The following ADD3 variants were observed in gnomAD, a reference collection of about 807,000 sequenced individuals.
The protein encoded by ADD3 is adducin 3, also known as gamma-adducin.
A neutral mutation model predicts 80.2 loss-of-function variants in ADD3; 25 were observed. The observed-to-expected ratio is 0.31, with a 90% CI of 0.23 to 0.44. The LOEUF is 0.44. ADD3 is among the 20% of genes least tolerant of loss of function. The pLI, the probability that ADD3 is intolerant of heterozygous loss-of-function variation, is 1.00. For synonymous variants in ADD3, 284 were observed against 289.6 expected, an observed-to-expected ratio of 0.98 and a Z score of 0.20; for missense variants, 829 against 847.5, an observed-to-expected ratio of 0.98 and a Z score of 0.27.
intron 1 of ADD3, among the ~76,000 whole-genome samples, chr10:110,077,335 G>A (rs1037217886): frequency 6.7e-6 from 1 of 150,042 alleles, no homozygotes; most frequent in Non-Finnish European, 1.5e-5. Flanking sequence ...TTACTGAATT[G>A]TTATTTTTAA....
At chr10:110,085,006 A>C (rs61881634) in intron 1 of ADD3, among the ~76,000 whole-genome samples, 2,253 of 151,980 alleles carry the variant, frequency 0.015, 18 homozygotes, top group South Asian at 0.03. Flanking sequence ...TGGACTGGAG[A>C]CTTGGGTTGT....
chr10:110,110,742 A>G (rs962644894), intron 2 of ADD3, among the ~76,000 whole-genome samples: 1 of 151,944 alleles, frequency 6.6e-6, no homozygotes, highest in East Asian at 1.9e-4. Flanking sequence ...TCACACCTGT[A>G]ATCCCACCAC....
chr10:110,082,470 G>C (rs1844898983), intron 1 of ADD3, among the ~76,000 whole-genome samples: 1 of 152,112 alleles, frequency 6.6e-6, no homozygotes, highest in Admixed American at 6.6e-5. Context: ...AGTTTTGGAA[G>C]CCATGAATTC....
At chr10:110,107,383 A>G (rs1028898863) in intron 2 of ADD3, among the ~76,000 whole-genome samples, 2 of 152,158 alleles carry the variant, frequency 1.3e-5, no homozygotes, top group Admixed American at 6.5e-5. Context: ...CTTCCATTGG[A>G]TGAAGTAGAT....
intron 1 of ADD3, among the ~76,000 whole-genome samples, chr10:110,025,126 C>T (rs1854130864): frequency 6.6e-6 from 1 of 151,796 alleles, no homozygotes; most frequent in African/African-American, 2.4e-5. Context: ...AAACTCCTGG[C>T]CTCAAGTGAT....
chr10:109,998,179 T>G (rs1297048463), intron 1 of ADD3, among the ~76,000 whole-genome samples: 1 of 152,212 alleles, frequency 6.6e-6, no homozygotes, highest in Non-Finnish European at 1.5e-5. Context: ...GAGGGTAATC[T>G]CAAACTTAGC....
chr10:110,125,916 C>A lies in ADD3; in HGVS notation c.1492C>A (p.Pro498Thr). 1 of 1,606,410 alleles carries A rather than the reference C, an allele frequency of 6.2e-7. No homozygotes were observed. Among genetic ancestry groups the A allele is most frequent in the Non-Finnish European group, 8.5e-7 (1 of 1,174,992 alleles). ...TCAGTTTGTTCCTTTAAACACAAAC[C>A]CGAATGAGGTACTAGAAAAGAGAAA... is the stretch of plus-strand genomic sequence containing the variant. ...PNQFVPLNTN[P>T]NEVLEKRNKI... The change falls in exon 11 of 15, where the codon CCG becomes ACG. Residue 498 changes from proline (P) to threonine (T), a missense_variant. Coordinates refer to ENST00000356080, the MANE Select transcript of ADD3 (RefSeq NM_016824.5).
At chr10:110,082,144 C>G (rs1390562284) in intron 1 of ADD3, among the ~76,000 whole-genome samples, 1 of 152,082 alleles carries the variant, frequency 6.6e-6, no homozygotes, top group Admixed American at 6.5e-5. Context: ...TATTATCTTG[C>G]TGAGACAACC....
At chr10:110,127,400 C>T (rs1280927512) in intron 12 of ADD3, among the ~76,000 whole-genome samples, 4 of 152,172 alleles carry the variant, frequency 2.6e-5, no homozygotes, top group Admixed American at 6.5e-5. Flanking sequence ...GGGCAGATCA[C>T]GAGGTCAAGA....
chr10:110,054,074 C>T (rs921968434), intron 1 of ADD3, among the ~76,000 whole-genome samples: 1 of 152,106 alleles, frequency 6.6e-6, no homozygotes, highest in Non-Finnish European at 1.5e-5. Flanking sequence ...TGTTTGAAAA[C>T]TAAGCTGTAG....
In ADD3 at chr10:110,133,401, T is replaced by C; in HGVS notation, c.1904T>C (p.Met635Thr). The C allele has an allele frequency of 2.5e-6, 4 of 1,613,268 alleles. No homozygotes were observed. Among genetic ancestry groups the C allele is most frequent in the East Asian group, 2.2e-5 (1 of 44,860 alleles). The part of the protein sequence containing the change: ...PVMVVNGKDD[M>T]HDVEDELAKR... Reference sequence around the variant, plus strand: ...ATGGTAGTAAATGGCAAGGATGATATGCATGATGTTGAAGATGAGCTTGCT... The same window carrying C: ...ATGGTAGTAAATGGCAAGGATGATACGCATGATGTTGAAGATGAGCTTGCT... Residue 635 changes from methionine to threonine, a missense_variant, in exon 15 of 15, where the codon ATG becomes ACG. Coordinates refer to ENST00000356080, the MANE Select transcript of ADD3 (RefSeq NM_016824.5).
At position 110,124,008 on chromosome 10, in the gene ADD3, C is replaced by G. The variant is rs749718304; in HGVS notation, c.1144-9C>G. On this transcript the variant is annotated splice_polypyrimidine_tract_variant and intron_variant, in intron 9 of 14. Coordinates refer to ENST00000356080, the MANE Select transcript of ADD3 (RefSeq NM_016824.5). ...TTGATGCTTCAAATGTGGCTTTTCC[C>G]TCCCTTAGGGGTATAGAACAGGCTA... 1.2e-6 allele frequency: 2 copies of G among 1,609,154 alleles called. No individual in the cohort carries two copies. The highest frequency in any genetic ancestry group is 8.5e-7 in the Non-Finnish European group (1 of 1,176,230).
At chr10:110,064,556 G>A (rs1388791230) in intron 1 of ADD3, among the ~76,000 whole-genome samples, 5 of 152,094 alleles carry the variant, frequency 3.3e-5, no homozygotes, top group African/African-American at 1.2e-4. Context: ...TGCTGTTCAC[G>A]TCTTTTACTA....
intron 1 of ADD3, among the ~76,000 whole-genome samples, chr10:110,035,182 A>C (rs1697468839): frequency 6.6e-6 from 1 of 152,204 alleles, no homozygotes; most frequent in African/African-American, 2.4e-5. Flanking sequence ...TTGAAATATA[A>C]AATAAACGTT....
At chr10:110,092,478 C>T (rs1847654248) in intron 1 of ADD3, among the ~76,000 whole-genome samples, 2 of 152,246 alleles carry the variant, frequency 1.3e-5, no homozygotes, top group South Asian at 4.1e-4. Flanking sequence ...AACAGAAAAC[C>T]AAATACTGCA....
intron 9 of ADD3, among the ~76,000 whole-genome samples, chr10:110,123,641 G>A (rs376697703): frequency 3.3e-5 from 5 of 152,142 alleles, no homozygotes; most frequent in African/African-American, 1.2e-4. Context: ...ACCCTCTTCT[G>A]TGAAGGCTCA....
At chr10:110,080,555 T>C (rs1458885474) in intron 1 of ADD3, among the ~76,000 whole-genome samples, 2 of 152,232 alleles carry the variant, frequency 1.3e-5, no homozygotes, top group Non-Finnish European at 2.9e-5. Flanking sequence ...CAAAAGTCAA[T>C]TTCAAAAGTA....
chr10:110,133,222 C>CA (rs1853280355), intron 14 of ADD3, 104 bp from the exon 15 acceptor site: 1 of 1,136,610 alleles, frequency 8.8e-7, no homozygotes, highest in Non-Finnish European at 1.2e-6. Flanking sequence ...TCATTGGAAT[C>CA]AAAGTAATGC....
At chr10:109,996,708 G>GA (rs2133657857) in intron 1 of ADD3, among the ~76,000 whole-genome samples, 1 of 152,320 alleles carries the variant, frequency 6.6e-6, no homozygotes, top group African/African-American at 2.4e-5. Flanking sequence ...AGTTTAGTCT[G>GA]AAGGTAGAAA....
Sources: allele counts gnomAD v4.1 joint callset (sites outside exome capture counted in the v4.1 genomes callset), GRCh38; gene constraint gnomAD v4.1.1; transcripts MANE v1.5; gene names NCBI Gene and HGNC (gene_info 2026-07-23, HGNC 2026-07-21).